Variants in MARCHF1 observed in about 807,000 individuals in gnomAD.
MARCHF1 encodes E3 ubiquitin-protein ligase MARCHF1.
MARCHF1 carries 40 observed loss-of-function variants against 54.2 expected under a neutral mutation model. That is an observed-to-expected ratio of 0.74 (90% CI 0.57 to 0.96). MARCHF1 has a LOEUF of 0.96. Ranked by LOEUF, MARCHF1 falls within the 40% of genes least tolerant of loss-of-function variation. The probability of loss-of-function intolerance (pLI) is 0.00; values close to 1 mark genes in which losing one functional copy is unlikely to be tolerated. For missense variants in MARCHF1, 586 were observed against 656.5 expected (o/e 0.89, Z 1.17); for synonymous variants, 236 against 236.3 (o/e 1.00, Z 0.01).
chr4:163,970,786 C>A (rs1057245088), intron 3 of MARCHF1, among the ~76,000 whole-genome samples: 1 of 152,162 alleles, frequency 6.6e-6, no homozygotes, highest in Non-Finnish European at 1.5e-5. Flanking sequence ...ATAATCTCAA[C>A]AAATTTTGAT....
intron 1 of MARCHF1, among the ~76,000 whole-genome samples, chr4:164,374,818 T>G (rs937721406): frequency 1.3e-5 from 2 of 152,096 alleles, no homozygotes; most frequent in African/African-American, 2.4e-5. Context: ...TAAGACATAC[T>G]CATGAGGTTA....
intron 1 of MARCHF1, among the ~76,000 whole-genome samples, chr4:164,310,351 C>T (rs891300144): frequency 1.3e-5 from 2 of 152,158 alleles, no homozygotes; most frequent in Admixed American, 6.5e-5. Flanking sequence ...GCTGAGATTA[C>T]AGGCGTGAGC....
chr4:164,161,551 G>T (rs2321368), intron 1 of MARCHF1, among the ~76,000 whole-genome samples: 17,090 of 70,964 alleles, frequency 0.24, 1,079 homozygotes, highest in Middle Eastern at 0.31. Context: ...ATCATCAGCA[G>T]CAGCAGCAGC....
intron 1 of MARCHF1, among the ~76,000 whole-genome samples, chr4:164,261,726 AG>A (rs1490116212): frequency 6.6e-6 from 1 of 152,074 alleles, no homozygotes; most frequent in Non-Finnish European, 1.5e-5. Flanking sequence ...TCCCTGTAAA[AG>A]CTTCCTGGCC....
At chr4:164,006,141 T>C (rs1232004849) in intron 2 of MARCHF1, among the ~76,000 whole-genome samples, 1 of 151,588 alleles carries the variant, frequency 6.6e-6, no homozygotes. Context: ...CAGACCCAAA[T>C]GAGGCAATAA....
At chr4:164,174,841 T>C (rs993791391) in intron 1 of MARCHF1, among the ~76,000 whole-genome samples, 1 of 152,218 alleles carries the variant, frequency 6.6e-6, no homozygotes, top group Non-Finnish European at 1.5e-5. Context: ...AAAAGAGTCA[T>C]GCTTTTTATA....
intron 5 of MARCHF1, among the ~76,000 whole-genome samples, chr4:163,671,677 G>GT (rs1462307998): frequency 6.6e-6 from 1 of 151,934 alleles, no homozygotes; most frequent in Non-Finnish European, 1.5e-5. Context: ...ATTGGTATTT[G>GT]TAAGTAAATG....
intron 5 of MARCHF1, among the ~76,000 whole-genome samples, chr4:163,670,504 T>TC (rs1430578942): frequency 3.6e-4 from 54 of 152,058 alleles, no homozygotes; most frequent in Non-Finnish European, 6.5e-4. Context: ...TCATATTTTC[T>TC]TACTTTGTAC....
intron 1 of MARCHF1, among the ~76,000 whole-genome samples, chr4:164,114,474 G>A (rs1310879597): frequency 2.0e-5 from 3 of 151,580 alleles, no homozygotes; most frequent in African/African-American, 4.8e-5. Flanking sequence ...AAGGCTTAAC[G>A]ATTTTTATAT....
chr4:164,089,437 C>A (rs1358806798), intron 2 of MARCHF1, among the ~76,000 whole-genome samples: 4 of 151,966 alleles, frequency 2.6e-5, no homozygotes, highest in Non-Finnish European at 1.5e-5. Flanking sequence ...TCCCTCAAAA[C>A]AGAAACAAAA....
chr4:163,784,827 T>C (rs1341627886), intron 4 of MARCHF1, among the ~76,000 whole-genome samples: 2 of 145,958 alleles, frequency 1.4e-5, no homozygotes, highest in Non-Finnish European at 3.0e-5. Context: ...AGGATTTTTC[T>C]ATGCAACTTT....
rs556843112 is a variant in MARCHF1 at position 163,995,496 on chromosome 4, G to A, written c.-247-6787C>T. ...AAAAGTCCCAACCATCTGCAATCCT[G>A]CTTGGTGTCTCTGAGTGACCAGCCT... On this transcript the variant is annotated intron_variant, in intron 2 of 9. Coordinates refer to ENST00000514618, the MANE Select transcript of MARCHF1 (RefSeq NM_001394959.1). Among the ~76,000 whole-genome samples, 10 of 152,120 alleles carry A rather than the reference G, an allele frequency of 6.6e-5. No individual in the cohort carries two copies. In the East Asian group the frequency reaches 1.9e-3, roughly 30 times the overall value.
chr4:163,949,218 G>A (rs950899091), intron 3 of MARCHF1, among the ~76,000 whole-genome samples: 23 of 152,200 alleles, frequency 1.5e-4, no homozygotes, highest in African/African-American at 3.9e-4. Context: ...TGCCGGCTGC[G>A]GTGGGGCAGG....
intron 3 of MARCHF1, among the ~76,000 whole-genome samples, chr4:163,858,456 T>C: frequency 6.6e-6 from 1 of 152,088 alleles, no homozygotes; most frequent in East Asian, 1.9e-4. Flanking sequence ...ACCACATGCA[T>C]AGAACTGAGA....
chr4:163,740,812 T>G (rs767750785), intron 4 of MARCHF1, among the ~76,000 whole-genome samples: 1 of 152,198 alleles, frequency 6.6e-6, no homozygotes. Flanking sequence ...AGGTGAATAG[T>G]AGAATGAAGA....
At chr4:164,247,733 C>G (rs1454014651) in intron 1 of MARCHF1, among the ~76,000 whole-genome samples, 1 of 149,956 alleles carries the variant, frequency 6.7e-6, no homozygotes, top group Non-Finnish European at 1.5e-5. Flanking sequence ...GCTGTTTTTT[C>G]AAAATGGTCA....
At chr4:163,922,791 C>A (rs1430383842) in intron 3 of MARCHF1, among the ~76,000 whole-genome samples, 1 of 152,144 alleles carries the variant, frequency 6.6e-6, no homozygotes, top group Non-Finnish European at 1.5e-5. Context: ...AAACAACTCC[C>A]TTATTTCCAT....
intron 2 of MARCHF1, among the ~76,000 whole-genome samples, chr4:164,038,680 G>A (rs540845778): frequency 1.3e-5 from 2 of 152,168 alleles, no homozygotes; most frequent in South Asian, 4.1e-4. Context: ...TAGACTGATT[G>A]TATTTGGCAA....
intron 4 of MARCHF1, among the ~76,000 whole-genome samples, chr4:163,825,142 C>T (rs1748812119): frequency 6.6e-6 from 1 of 151,966 alleles, no homozygotes; most frequent in African/African-American, 2.4e-5. Flanking sequence ...GGGTCTGTTG[C>T]TCCTGTCTCT....
Sources: allele counts gnomAD v4.1 joint callset (sites outside exome capture counted in the v4.1 genomes callset), GRCh38; gene constraint gnomAD v4.1.1; transcripts MANE v1.5; gene names NCBI Gene and HGNC (gene_info 2026-07-23, HGNC 2026-07-21).